Variants in TBC1D16 observed in about 807,000 individuals in gnomAD.
TBC1D16 encodes the protein CTD-2529O21.1.
A neutral mutation model predicts 74.7 loss-of-function variants in TBC1D16; 58 were observed. The observed-to-expected ratio is 0.78, with a 90% confidence interval of 0.63 to 0.97. TBC1D16 has a LOEUF of 0.97. Ranked by LOEUF, TBC1D16 falls within the 50% of genes least tolerant of loss-of-function variation. TBC1D16 has a pLI of 0.00. For synonymous variants in TBC1D16, 493 were observed against 474.7 expected (o/e 1.04, Z -0.50); for missense variants, 1,014 against 1,079.5 (o/e 0.94, Z 0.85).
At position 80,001,083 on chromosome 17, in the gene TBC1D16, G is replaced by A. The variant is rs1682895766; in HGVS notation, c.779+9077C>T. Among the ~76,000 whole-genome samples, 1 of 152,248 alleles carries A rather than the reference G, an allele frequency of 6.6e-6. No homozygotes were observed. The highest frequency in any genetic ancestry group is 1.5e-5 in the Non-Finnish European group (1 of 68,042). ...GCCTGCTTGGCTTCTCCGCCTGACA[G>A]TGAGACTGCTGGGGCGAGGCTATGT... On this transcript the variant is annotated intron_variant, in intron 3 of 11. Transcript: ENST00000310924. The surrounding 1 kb of genome is among the most constrained non-coding windows in gnomAD (Gnocchi z 5.8).
At chr17:79,951,348 G>A (rs979073405) in intron 5 of TBC1D16, 102 bp downstream of exon 5, 14 of 1,430,964 alleles carry the variant, frequency 9.8e-6, no homozygotes, top group South Asian at 4.0e-5. Context: ...GTAAGCCCCC[G>A]GGGCCCGGGG....
At position 80,007,683 on chromosome 17, in the gene TBC1D16, C is replaced by T. The variant is rs1407848313; in HGVS notation, c.779+2477G>A. 6.6e-6 allele frequency among the ~76,000 whole-genome samples: 1 copy of T among 152,122 alleles called. No individual in the cohort carries two copies. Among genetic ancestry groups the T allele is most frequent in the African/African-American group, 2.4e-5 (1 of 41,416 alleles). On this transcript the variant is annotated intron_variant, in intron 3 of 11. Coordinates refer to ENST00000310924, the MANE Select transcript of TBC1D16 (RefSeq NM_019020.4). The surrounding 1 kb of genome is among the most constrained non-coding windows in gnomAD (Gnocchi z 4.5). ...AGGAGCTGAGTCTCAAACATATAAG[C>T]TGGCCGGTTAGGAGAGAGGGGAAGG...
chr17:79,985,950 G>A lies in TBC1D16; in HGVS notation c.779+24210C>T, dbSNP rs569830573. 6.6e-6 allele frequency among the ~76,000 whole-genome samples: 1 copy of A among 152,200 alleles called. No individual in the cohort carries two copies. Among genetic ancestry groups the A allele is most frequent in the African/African-American group, 2.4e-5 (1 of 41,444 alleles). On this transcript the variant is annotated intron_variant, in intron 3 of 11. Transcript: ENST00000310924. The surrounding 1 kb of genome is among the most constrained non-coding windows in gnomAD (Gnocchi z 4.9). ...CTTAATTTAAATAAGAAAGCAGAAAGGTTATGAAAAACCATTTTTCCCAAC... is the reference window on the plus strand; with the variant it reads ...CTTAATTTAAATAAGAAAGCAGAAAAGTTATGAAAAACCATTTTTCCCAAC...
Position 79,971,050 on chromosome 17 carries a change from T to C in TBC1D16, c.780-18232A>G, listed in dbSNP as rs534990721. 1.8e-4 allele frequency among the ~76,000 whole-genome samples: 27 copies of C among 151,742 alleles called. No homozygotes were observed. In the East Asian group the frequency reaches 4.6e-3, roughly 26 times the overall value. On this transcript the variant is annotated intron_variant, in intron 3 of 11. Transcript: ENST00000310924. This position sits in a 1 kb window ranked among gnomAD's most constrained non-coding sequence, Gnocchi z 4.6. ...TTTTTTATTTTTTTTTGAGATGGAG[T>C]CTGTCTCCATTGCCCAGGCTGGAGT...
chr17:79,948,261 C>T (rs763088217), intron 8 of TBC1D16, among the ~76,000 whole-genome samples: 1 of 146,566 alleles, frequency 6.8e-6, no homozygotes, highest in African/African-American at 2.6e-5. Flanking sequence ...TGCAGTGAGC[C>T]GAGATCACAC....
chr17:79,943,122 A>G (rs2165994), intron 10 of TBC1D16, among the ~76,000 whole-genome samples: 47,979 of 152,150 alleles, frequency 0.32, 8,388 homozygotes, highest in East Asian at 0.58. Context: ...TGAGCGGAGC[A>G]CACCATGAGG....
intron 3 of TBC1D16, among the ~76,000 whole-genome samples, chr17:79,977,915 G>A (rs988836676): frequency 2.6e-5 from 4 of 152,250 alleles, no homozygotes; most frequent in South Asian, 2.1e-4. Context: ...CGGCGACTGC[G>A]GTGCCTTCTG....
In TBC1D16 at chr17:79,975,502, T is replaced by C. The variant is rs1211886106; in HGVS notation, c.780-22684A>G. Among the ~76,000 whole-genome samples, 1 of 152,138 alleles carries C rather than the reference T, an allele frequency of 6.6e-6. No homozygotes were observed. The highest frequency in any genetic ancestry group is 1.5e-5 in the Non-Finnish European group (1 of 68,022). On this transcript the variant is annotated intron_variant, in intron 3 of 11. Transcript: ENST00000310924. The surrounding 1 kb of genome is among the most constrained non-coding windows in gnomAD (Gnocchi z 4.5). ...TCCTTGATCAGTTACACAAAAAGCT[T>C]GCTCAAAAGAATGGGACCGGGAGCA...
intron 3 of TBC1D16, among the ~76,000 whole-genome samples, chr17:79,967,761 G>A (rs895452101): frequency 6.6e-6 from 1 of 152,034 alleles, no homozygotes; most frequent in Non-Finnish European, 1.5e-5. Context: ...AAATTCATAC[G>A]GAAATACAGA....
chr17:80,017,214 G>A (rs2036119565), intron 1 of TBC1D16, among the ~76,000 whole-genome samples: 1 of 152,132 alleles, frequency 6.6e-6, no homozygotes, highest in Non-Finnish European at 1.5e-5. Context: ...GGGCCGGAGA[G>A]TCTCTGTCGT....
At chr17:80,025,612 A>C (rs1598446665) in intron 1 of TBC1D16, among the ~76,000 whole-genome samples, 3 of 140,730 alleles carry the variant, frequency 2.1e-5, no homozygotes, top group African/African-American at 5.6e-5. Flanking sequence ...TGCTGGAAGC[A>C]CCCCCCTGCC....
Position 79,961,008 on chromosome 17 carries a change from C to T in TBC1D16, c.780-8190G>A, listed in dbSNP as rs1215096271. On this transcript the variant is annotated intron_variant, in intron 3 of 11. Transcript: ENST00000310924. This position sits in a 1 kb window ranked among gnomAD's most constrained non-coding sequence, Gnocchi z 4.8. ...CCAAAATACATGGAAAATGTTCACA[C>T]GAAATCTGTGTGTGAATGTTTATAG... Among the ~76,000 whole-genome samples, 6 of 151,998 alleles carry T rather than the reference C, an allele frequency of 3.9e-5. No homozygotes were observed. Among genetic ancestry groups the T allele is most frequent in the Admixed American group, 2.0e-4 (3 of 15,246 alleles).
chr17:80,018,417 G>A (rs1003809814), intron 1 of TBC1D16, among the ~76,000 whole-genome samples: 1 of 149,108 alleles, frequency 6.7e-6, no homozygotes, highest in South Asian at 2.1e-4. Flanking sequence ...GAGTAGCTGG[G>A]ACTACAGGCG....
intron 3 of TBC1D16, among the ~76,000 whole-genome samples, chr17:79,970,039 C>T: frequency 6.6e-6 from 1 of 152,128 alleles, no homozygotes; most frequent in East Asian, 1.9e-4. Flanking sequence ...GAGAAAAATG[C>T]CCATCAACTG....
rs116957196 is a variant in TBC1D16, at chr17:79,945,887, G to A, written c.1729-800C>T. 4.6e-5 allele frequency among the ~76,000 whole-genome samples: 7 copies of A among 152,382 alleles called. No individual in the cohort carries two copies. In the East Asian group the frequency reaches 7.7e-4, roughly 17 times the overall value. On this transcript the variant is annotated intron_variant, in intron 9 of 11. Coordinates refer to ENST00000310924, the MANE Select transcript of TBC1D16 (RefSeq NM_019020.4). Reference sequence around the variant, plus strand: ...TGGGGGGATCCTGGGGCAGAGCTCGGGGCCACATGCCCCCTTCCCACACAG... The same window carrying A: ...TGGGGGGATCCTGGGGCAGAGCTCGAGGCCACATGCCCCCTTCCCACACAG...
At chr17:80,015,191 G>A (rs2036042722) in intron 1 of TBC1D16, among the ~76,000 whole-genome samples, 1 of 152,064 alleles carries the variant, frequency 6.6e-6, no homozygotes, top group African/African-American at 2.4e-5. Flanking sequence ...GCACTTTGGG[G>A]GGCCGAGGCA....
chr17:79,979,607 A>G lies in TBC1D16; in HGVS notation c.780-26789T>C, dbSNP rs537761067. On this transcript the variant is annotated intron_variant, in intron 3 of 11. Coordinates refer to ENST00000310924, the MANE Select transcript of TBC1D16 (RefSeq NM_019020.4). The surrounding 1 kb of genome is among the most constrained non-coding windows in gnomAD (Gnocchi z 4.8). ...CGCTCACGGTTCCTGTCGCAGGTCC[A>G]GGTTATTCGGTGCCATAAAAAGGCA... 3.3e-5 allele frequency among the ~76,000 whole-genome samples: 5 copies of G among 152,232 alleles called. No individual in the cohort carries two copies. The South Asian group carries it at 8.3e-4, about 25-fold the overall frequency.
At chr17:80,023,229 G>A (rs753278892) in intron 1 of TBC1D16, among the ~76,000 whole-genome samples, 5 of 150,074 alleles carry the variant, frequency 3.3e-5, no homozygotes, top group Non-Finnish European at 7.4e-5. Context: ...AATAAAATAC[G>A]TTTTCAGAAA....
chr17:79,951,638 T>C lies in TBC1D16; in HGVS notation c.942-41A>G, dbSNP rs908739279. ...AAGGGGGAGAGGGAAGCCCGATGAA[T>C]ATGTAAACACGGGGGTTTTATTTCC... On this transcript the variant is annotated intron_variant, in intron 4 of 11. Coordinates refer to ENST00000310924, the MANE Select transcript of TBC1D16 (RefSeq NM_019020.4). 6 of 1,597,880 alleles carry C rather than the reference T, an allele frequency of 3.8e-6. No individual in the cohort carries two copies. The Admixed American group carries it at 6.9e-5, about 18-fold the overall frequency.
Sources: gnomAD v4.1 joint callset for allele counts (sites outside exome capture counted in the v4.1 genomes callset) on GRCh38, gnomAD v4.1.1 for gene constraint, Gnocchi (gnomAD v3.1) non-coding constraint, MANE v1.5 for transcripts, NCBI Gene and HGNC (gene_info 2026-07-23, HGNC 2026-07-21) for gene names.